The following SPAG16 variants were observed in gnomAD, a reference collection of about 807,000 sequenced individuals.
The protein encoded by SPAG16 is sperm associated antigen 16.
Under a neutral mutation model 80.4 loss-of-function variants are expected in SPAG16, and 86 were observed. That is an observed-to-expected ratio of 1.07 (90% CI 0.90 to 1.28). The LOEUF (loss-of-function observed/expected upper bound fraction) is 1.28, where lower values mean the gene tolerates loss of function less well. SPAG16 is among the 50% of genes most tolerant of loss of function. The pLI is 0.00. For missense variants in SPAG16, 870 were observed against 765.3 expected (o/e 1.14, Z -1.61); for synonymous variants, 294 against 265.9 (o/e 1.11, Z -1.03).
intron 1 of SPAG16, chr2:213,285,839 T>A: frequency 8.1e-7 from 1 of 1,232,936 alleles, no homozygotes; most frequent in Non-Finnish European, 1.1e-6. Context: ...GGCAGTCTTT[T>A]CCAGTGATAT....
intron 5 of SPAG16, among the ~76,000 whole-genome samples, chr2:213,333,899 T>C (rs1032696569): frequency 6.6e-6 from 1 of 152,052 alleles, no homozygotes; most frequent in Non-Finnish European, 1.5e-5. Flanking sequence ...TCAATGACAT[T>C]GGTCTAGGCA....
chr2:214,201,596 C>T (rs969097279), intron 15 of SPAG16, among the ~76,000 whole-genome samples: 3 of 152,174 alleles, frequency 2.0e-5, no homozygotes, highest in African/African-American at 7.2e-5. Flanking sequence ...AATTTTCATA[C>T]ATTTAACTGG....
intron 15 of SPAG16, among the ~76,000 whole-genome samples, chr2:214,183,019 A>G (rs914229753): frequency 5.9e-5 from 9 of 152,016 alleles, no homozygotes; most frequent in Admixed American, 1.3e-4. Context: ...AGAGGAATCA[A>G]TGACTCTAAC....
chr2:213,734,152 C>T (rs914682924), intron 10 of SPAG16, among the ~76,000 whole-genome samples: 8 of 152,082 alleles, frequency 5.3e-5, no homozygotes, highest in African/African-American at 1.9e-4. Flanking sequence ...ATTTAGGTTA[C>T]CTAACAGTTT....
At chr2:214,042,007 T>TATATATACAC (rs1371293247) in intron 13 of SPAG16, among the ~76,000 whole-genome samples, 1,132 of 100,986 alleles carry the variant, frequency 0.011, 10 homozygotes, top group South Asian at 0.026. Flanking sequence ...TATATATATA[T>TATATATACAC]ACACACACAC....
intron 8 of SPAG16, among the ~76,000 whole-genome samples, chr2:213,370,604 C>T (rs750975747): frequency 6.6e-6 from 1 of 152,106 alleles, no homozygotes; most frequent in Admixed American, 6.5e-5. Flanking sequence ...GGTTGAGGGA[C>T]TTTGTGAATT....
intron 10 of SPAG16, among the ~76,000 whole-genome samples, chr2:213,503,376 A>G (rs890772772): frequency 6.6e-5 from 10 of 152,326 alleles, no homozygotes; most frequent in Middle Eastern, 3.4e-3. Flanking sequence ...CATTGCCATA[A>G]AAGGTCATGT....
intron 11 of SPAG16, among the ~76,000 whole-genome samples, chr2:213,915,998 A>G (rs933032882): frequency 3.9e-5 from 6 of 152,150 alleles, no homozygotes; most frequent in Non-Finnish European, 7.3e-5. Context: ...AGTTCCTTGT[A>G]GATTCTGGAT....
intron 15 of SPAG16, among the ~76,000 whole-genome samples, chr2:214,253,144 G>T (rs1191812352): frequency 6.7e-6 from 1 of 149,284 alleles, no homozygotes; most frequent in Non-Finnish European, 1.5e-5. Flanking sequence ...CTTTTTGATG[G>T]AGTTGTTTAT....
chr2:213,335,134 T>G (rs1181793481), intron 5 of SPAG16, among the ~76,000 whole-genome samples: 3 of 152,168 alleles, frequency 2.0e-5, no homozygotes, highest in Non-Finnish European at 4.4e-5. Flanking sequence ...GCAATATAGA[T>G]AAATGGTTAA....
rs569745955 is a variant in SPAG16 at position 214,345,447 on chromosome 2, A to C, written c.1721-64693A>C. Among the ~76,000 whole-genome samples, 101 of 152,006 alleles carry C rather than the reference A, an allele frequency of 6.6e-4. No individual in the cohort carries two copies. In the South Asian group the frequency reaches 0.02, roughly 31 times the overall value. ...CCCCACTGTCTTTGCCTTAACTCAG[A>C]CTTTTTTTAATTTCTTGCCTAAACA... On this transcript the variant is annotated intron_variant, in intron 15 of 15. Coordinates refer to ENST00000331683, the MANE Select transcript of SPAG16 (RefSeq NM_024532.5).
intron 15 of SPAG16, among the ~76,000 whole-genome samples, chr2:214,177,926 T>TATATAC (rs1337212648): frequency 3.7e-5 from 5 of 134,614 alleles, no homozygotes; most frequent in Non-Finnish European, 1.6e-5. Flanking sequence ...CATATATATA[T>TATATAC]ATATATATGG....
In SPAG16 at chr2:214,149,148, G is replaced by A. The variant is rs1414758173; in HGVS notation, c.1602G>A (p.Met534Ile). 6.4e-7 allele frequency: 1 copy of A among 1,559,264 alleles called. No individual in the cohort carries two copies. The highest frequency in any genetic ancestry group is 1.8e-5 in the Admixed American group (1 of 55,080). Residue 534 changes from methionine (M) to isoleucine (I), a missense_variant, in exon 15 of 16, where the codon ATG (methionine) becomes ATA (isoleucine). By Grantham distance (10) the Met-to-Ile change is conservative (BLOSUM62 1). Transcript: ENST00000331683. ...TATCTTATATTTTGAAGGGTCACAT[G>A]ATAGCATCCTGTGATGCCTGTGGGG... ...NDAIFDPRGH[M>I]IASCDACGVT...
chr2:214,052,941 C>T (rs956628754), intron 13 of SPAG16, among the ~76,000 whole-genome samples: 8 of 152,200 alleles, frequency 5.3e-5, no homozygotes, highest in Non-Finnish European at 1.2e-4. Context: ...AAAACGTCTT[C>T]TCTAGAAATG....
rs578125094 is a variant in SPAG16 at position 213,425,069 on chromosome 2, A to T, written c.942+49950A>T. Reference sequence around the variant, plus strand: ...CCAGGCACGGTGGCTCATGCCTGTAATCCCAGCACTTTAGGAGGCTGAGGT... The same window carrying T: ...CCAGGCACGGTGGCTCATGCCTGTATTCCCAGCACTTTAGGAGGCTGAGGT... On this transcript the variant is annotated intron_variant, in intron 9 of 15. Coordinates refer to ENST00000331683, the MANE Select transcript of SPAG16 (RefSeq NM_024532.5). Among the ~76,000 whole-genome samples, 212 of 152,310 alleles carry T rather than the reference A, an allele frequency of 1.4e-3. 2 individuals are homozygous for T. Among genetic ancestry groups the T allele is most frequent in the African/African-American group, 5.0e-3 (206 of 41,556 alleles).
At chr2:213,533,500 C>T (rs969209211) in intron 10 of SPAG16, among the ~76,000 whole-genome samples, 1 of 152,102 alleles carries the variant, frequency 6.6e-6, no homozygotes, top group African/African-American at 2.4e-5. Context: ...TTATGGAGTC[C>T]CTGCAACATT....
intron 13 of SPAG16, among the ~76,000 whole-genome samples, chr2:214,101,559 G>A (rs766188463): frequency 2.0e-5 from 3 of 152,080 alleles, no homozygotes; most frequent in Non-Finnish European, 2.9e-5. Context: ...CTCATTACAT[G>A]GTCTCTCATA....
intron 3 of SPAG16, among the ~76,000 whole-genome samples, chr2:213,301,858 C>T (rs2062753291): frequency 1.3e-5 from 2 of 152,088 alleles, no homozygotes; most frequent in African/African-American, 4.8e-5. Context: ...CTTGTTTTTG[C>T]CTCAGATGTT....
chr2:213,672,859 G>GTT lies in SPAG16; in HGVS notation c.1070+182785_1070+182786dup, dbSNP rs750046794. 1.0e-3 allele frequency among the ~76,000 whole-genome samples: 124 copies of GTT among 124,406 alleles called. 1 individual carries two copies. Among genetic ancestry groups the GTT allele is most frequent in the South Asian group, 2.1e-3 (8 of 3,898 alleles). 81.6% of individuals were successfully genotyped at this position (124,406 alleles called of 152,430 possible). A position where few individuals can be genotyped will look rare whatever the true frequency, so the allele number is the denominator to read the frequency against. ...TTTGTTTGTTTGTTTTATTTTGTTT[G>GTT]TTTTTTTTTTTTTTTTTGAGACGGA... On this transcript the variant is annotated intron_variant, in intron 10 of 15. Coordinates refer to ENST00000331683, the MANE Select transcript of SPAG16 (RefSeq NM_024532.5).
Sources: gnomAD v4.1 joint callset for allele counts (sites outside exome capture counted in the v4.1 genomes callset) on GRCh38, gnomAD v4.1.1 for gene constraint, MANE v1.5 for transcripts, NCBI Gene and HGNC (gene_info 2026-07-23, HGNC 2026-07-21) for gene names.